The following HIVEP3 variants were observed in gnomAD, a reference collection of about 807,000 sequenced individuals.
The protein encoded by HIVEP3 is transcription factor HIVEP3.
Under a neutral mutation model 152.8 loss-of-function variants are expected in HIVEP3, and 49 were observed. The observed-to-expected ratio is 0.32, with a 90% CI of 0.26 to 0.41. HIVEP3 has a LOEUF of 0.41. HIVEP3 is among the 10% of genes least tolerant of loss of function. The pLI is 1.00. For missense variants in HIVEP3, 2,790 were observed against 3,103.3 expected (o/e 0.90, Z 2.40); for synonymous variants, 1,269 against 1,289.0 (o/e 0.98, Z 0.33).
chr1:41,527,766 C>A (rs1438397526), intron 5 of HIVEP3, among the ~76,000 whole-genome samples: 4 of 148,954 alleles, frequency 2.7e-5, no homozygotes, highest in Non-Finnish European at 6.0e-5. Context: ...CCTTCACACT[C>A]CACACTCCTG....
chr1:41,560,745 A>C, intron 5 of HIVEP3, among the ~76,000 whole-genome samples: 1 of 152,136 alleles, frequency 6.6e-6, no homozygotes, highest in Non-Finnish European at 1.5e-5. Flanking sequence ...GTGGGTAGAG[A>C]GGTGCTTTCT....
rs1645730889 is a variant in HIVEP3 at position 41,662,404 on chromosome 1, A to G, written c.-720-33457T>C. The G allele has an allele frequency of 6.7e-6, 1 of 149,674 alleles. No individual in the cohort carries two copies. Among genetic ancestry groups the G allele is most frequent in the African/African-American group, 2.4e-5 (1 of 41,012 alleles). 9.3% of individuals were successfully genotyped at this position (149,674 alleles called of 1,614,324 possible). A position where few individuals can be genotyped will look rare whatever the true frequency, so the allele number is the denominator to read the frequency against. ...TTGGAAGCTCCTTATTTGGGCAGTG[A>G]TGTCAGGGGAAGTCGCAGGGGCCGG... On this transcript the variant is annotated intron_variant, in intron 2 of 8. Transcript: ENST00000372583. The surrounding 1 kb of genome is among the most constrained non-coding windows in gnomAD (Gnocchi z 7.2).
At chr1:41,769,867 A>C (rs1019782392) in intron 1 of HIVEP3, among the ~76,000 whole-genome samples, 19 of 152,236 alleles carry the variant, frequency 1.2e-4, no homozygotes, top group African/African-American at 4.6e-4. Context: ...CTAAGTAATA[A>C]ATGAAAAATT....
intron 1 of HIVEP3, among the ~76,000 whole-genome samples, chr1:41,767,081 G>T (rs565384282): frequency 9.2e-5 from 14 of 152,252 alleles, no homozygotes; most frequent in African/African-American, 3.4e-4. Flanking sequence ...GGTCCTGTGT[G>T]GTCCACAATG....
Position 41,930,041 on chromosome 1 carries a change from C to T in HIVEP3, n.120-11517G>A, listed in dbSNP as rs115470135. Reference sequence around the variant, plus strand: ...AATTCCAAAGTTACTTAGGTCAGCTCCCTTCTTCCTCATCATCTTCAATGA... The same window carrying T: ...AATTCCAAAGTTACTTAGGTCAGCTTCCTTCTTCCTCATCATCTTCAATGA... On this transcript the variant is annotated intron_variant and non_coding_transcript_variant, in intron 1 of 3. Transcript: ENST00000489103. Among the ~76,000 whole-genome samples, 1,132 of 152,118 alleles carry T rather than the reference C, an allele frequency of 7.4e-3. 12 individuals carry two copies. Among genetic ancestry groups the T allele is most frequent in the African/African-American group, 0.024 (1,001 of 41,510 alleles).
chr1:41,918,041 G>T lies in HIVEP3; in HGVS notation c.-801+372C>A, dbSNP rs1280679396. Among the ~76,000 whole-genome samples the T allele has an allele frequency of 6.6e-6, 1 of 152,312 alleles. No homozygotes were observed. Among genetic ancestry groups the T allele is most frequent in the Admixed American group, 6.5e-5 (1 of 15,304 alleles). On this transcript the variant is annotated intron_variant, in intron 1 of 8. Coordinates refer to ENST00000372583, the MANE Select transcript of HIVEP3 (RefSeq NM_024503.5). This position sits in a 1 kb window ranked among gnomAD's most constrained non-coding sequence, Gnocchi z 4.3. ...CTATGGAGCCGGCCGCCAGTGCGCG[G>T]GTGCAGAGCCCAGCAGAGCCTGCTG... is the stretch of plus-strand genomic sequence containing the variant.
At position 41,582,820 on chromosome 1, in the gene HIVEP3, C is replaced by T; in HGVS notation, c.1978G>A (p.Ala660Thr). The change falls in exon 4 of 9, where the codon GCC (alanine) becomes ACC (threonine). Residue 660 changes from alanine to threonine, a missense_variant. By Grantham distance (58) the Ala-to-Thr change is moderately conservative. Around this residue, in one of 9 missense-constraint regions of HIVEP3, gnomAD observed 339 missense variants for 327.0 expected, o/e 1.04. Coordinates refer to ENST00000372583, the MANE Select transcript of HIVEP3 (RefSeq NM_024503.5). The surrounding 1 kb of genome is among the most constrained non-coding windows in gnomAD (Gnocchi z 4.7). ...ARYKKRDNYE[A>T]HKKYYCSELQ... ...TCTGAGCAGTAGTATTTTTTGTGGG[C>T]TTCGTAGTTATCCCTTTTCTTGTAC... The T allele has an allele frequency of 6.2e-7, 1 of 1,614,064 alleles. No individual in the cohort carries two copies. The highest frequency in any genetic ancestry group is 8.5e-7 in the Non-Finnish European group (1 of 1,179,998).
At chr1:41,681,127 C>T (rs1043705503) in intron 2 of HIVEP3, among the ~76,000 whole-genome samples, 2 of 146,984 alleles carry the variant, frequency 1.4e-5, no homozygotes, top group Non-Finnish European at 3.0e-5. Flanking sequence ...TGTGTATAGA[C>T]AGAGACTGTC....
intron 1 of HIVEP3, among the ~76,000 whole-genome samples, chr1:41,751,717 GA>G (rs1647166402): frequency 6.6e-6 from 1 of 152,192 alleles, no homozygotes; most frequent in Non-Finnish European, 1.5e-5. Context: ...AAGGGACCAT[GA>G]AAAGCCCAAC....
At chr1:41,756,783 A>C (rs1647327969) in intron 1 of HIVEP3, among the ~76,000 whole-genome samples, 1 of 152,232 alleles carries the variant, frequency 6.6e-6, no homozygotes, top group Admixed American at 6.5e-5. Context: ...TATAGACTGC[A>C]AGCTCCCTGA....
chr1:41,689,290 G>A (rs958263410), intron 2 of HIVEP3, among the ~76,000 whole-genome samples: 5 of 152,024 alleles, frequency 3.3e-5, no homozygotes, highest in African/African-American at 1.2e-4. Flanking sequence ...GGCCTCCCTC[G>A]GCCTCCACAG....
chr1:41,819,622 A>G (rs115646518), intron 1 of HIVEP3, among the ~76,000 whole-genome samples: 3,453 of 152,298 alleles, frequency 0.023, 62 homozygotes, highest in Non-Finnish European at 0.036. Flanking sequence ...ATTATTTCGA[A>G]GAATTTTTAA....
chr1:41,885,596 C>T lies in HIVEP3; in HGVS notation c.-801+32817G>A, dbSNP rs139235453. ...ATGAGAATCACTTGAACCCAAGAGG[C>T]AGGGGGTGCAGTGAGCTGAGATCAC... On this transcript the variant is annotated intron_variant, in intron 1 of 8. Coordinates refer to ENST00000372583, the MANE Select transcript of HIVEP3 (RefSeq NM_024503.5). Among the ~76,000 whole-genome samples, 735 of 152,312 alleles carry T rather than the reference C, an allele frequency of 4.8e-3. 8 individuals are homozygous for T. Among genetic ancestry groups the T allele is most frequent in the African/African-American group, 0.017 (695 of 41,570 alleles).
intron 1 of HIVEP3, among the ~76,000 whole-genome samples, chr1:41,777,212 C>T: frequency 6.6e-6 from 1 of 152,222 alleles, no homozygotes; most frequent in Non-Finnish European, 1.5e-5. Flanking sequence ...AAATGCTGGG[C>T]TGCAGCCCAG....
At chr1:41,621,042 C>T (rs1362397672) in intron 3 of HIVEP3, among the ~76,000 whole-genome samples, 2 of 152,200 alleles carry the variant, frequency 1.3e-5, no homozygotes, top group African/African-American at 2.4e-5. Context: ...TCACTTGCCA[C>T]GTTTGAGCTT....
rs780013598 is a variant in HIVEP3 at position 41,510,997 on chromosome 1, GAAGCCACT to G, written c.6667_6674del (p.Ser2223LeufsTer23). The stretch of plus-strand genomic sequence containing the variant: ...CTGTCAGGTCGCTGCCACCCCCGGA[GAAGCCACT>G]GACCCAGGCTGCGGTGGGCCCTGGC... On this transcript the variant is annotated frameshift_variant, in exon 9 of 9. Coordinates refer to ENST00000372583, the MANE Select transcript of HIVEP3 (RefSeq NM_024503.5). LOFTEE classifies it high-confidence loss of function. 6.2e-7 allele frequency: 1 copy of G among 1,613,514 alleles called. No homozygotes were observed. The highest frequency in any genetic ancestry group is 1.1e-5 in the South Asian group (1 of 91,046).
intron 2 of HIVEP3, among the ~76,000 whole-genome samples, chr1:41,640,503 ACT>A (rs1645356082): frequency 6.6e-6 from 1 of 151,970 alleles, no homozygotes; most frequent in African/African-American, 2.4e-5. Context: ...TGGACAAGAC[ACT>A]CTCCATCACT....
chr1:41,780,280 C>T (rs1042542327), intron 1 of HIVEP3, among the ~76,000 whole-genome samples: 1 of 151,324 alleles, frequency 6.6e-6, no homozygotes, highest in Non-Finnish European at 1.5e-5. Flanking sequence ...GGGGGTGGGG[C>T]CTTGGCCACT....
At chr1:41,678,654 G>A (rs1317321565) in intron 2 of HIVEP3, among the ~76,000 whole-genome samples, 3 of 152,092 alleles carry the variant, frequency 2.0e-5, no homozygotes, top group Admixed American at 2.0e-4. Flanking sequence ...GCAACTTGGA[G>A]AGAAACCCCA....
Sources: allele counts gnomAD v4.1 joint callset (sites outside exome capture counted in the v4.1 genomes callset), GRCh38; gene constraint gnomAD v4.1.1; regional missense constraint gnomAD v4.1.1; non-coding constraint Gnocchi (gnomAD v3.1); transcripts MANE v1.5; gene names NCBI Gene and HGNC (gene_info 2026-07-23, HGNC 2026-07-21).